Variants in VOPP1 observed in about 807,000 individuals in gnomAD.
VOPP1 encodes WW domain binding protein VOPP1.
In VOPP1, 8 loss-of-function variants were observed where a neutral mutation model predicts 23.5. That is an observed-to-expected ratio of 0.34 (90% confidence interval 0.20 to 0.61). VOPP1 has a LOEUF of 0.61. VOPP1 is among the 20% of genes least tolerant of loss of function. The pLI, the probability that VOPP1 is intolerant of heterozygous loss-of-function variation, is 0.78. For missense variants in VOPP1, 174 were observed against 238.1 expected, an observed-to-expected ratio of 0.73 and a Z score of 1.77; for synonymous variants, 83 against 97.3, an observed-to-expected ratio of 0.85 and a Z score of 0.86.
chr7:55,516,264 T>A (rs76345048), intron 2 of VOPP1, among the ~76,000 whole-genome samples: 70 of 152,342 alleles, frequency 4.6e-4, no homozygotes, highest in African/African-American at 1.6e-3. Flanking sequence ...GGAACAGGAA[T>A]GTGTTGCTTT....
intron 4 of VOPP1, among the ~76,000 whole-genome samples, chr7:55,458,644 A>G (rs1190819078): frequency 6.6e-6 from 1 of 152,002 alleles, no homozygotes; most frequent in Admixed American, 6.6e-5. Context: ...GAGGTATTTT[A>G]TCTTTTAATT....
chr7:55,449,534 G>A (rs1791189289), intron 4 of VOPP1, among the ~76,000 whole-genome samples: 1 of 152,238 alleles, frequency 6.6e-6, no homozygotes, highest in Admixed American at 6.5e-5. Context: ...GCCAGCGGGC[G>A]CAGGACAGAT....
intron 1 of VOPP1, among the ~76,000 whole-genome samples, chr7:55,535,118 C>G (rs1427432151): frequency 6.6e-6 from 1 of 152,208 alleles, no homozygotes; most frequent in African/African-American, 2.4e-5. Context: ...ACTGCACCTG[C>G]CCCTAAACCT....
In VOPP1 at chr7:55,443,687, C is replaced by T. The variant is rs147122749; in HGVS notation, n.418-7513G>A. 4.1e-3 allele frequency among the ~76,000 whole-genome samples: 618 copies of T among 149,978 alleles called. 3 individuals carry two copies. The highest frequency in any genetic ancestry group is 0.01 in the Middle Eastern group (3 of 290). ...GAGACGGAGTTTTGCTCTTATCACC[C>T]AGGCTGGAGTGCAATGACACAATCT... On this transcript the variant is annotated intron_variant and non_coding_transcript_variant, in intron 4 of 4. Transcript: ENST00000462326.
intron 2 of VOPP1, among the ~76,000 whole-genome samples, chr7:55,502,711 C>T (rs79313165): frequency 6.6e-6 from 1 of 152,216 alleles, no homozygotes; most frequent in African/African-American, 2.4e-5. Context: ...CATTACCAGG[C>T]AGTCGAGCAC....
In VOPP1 at chr7:55,513,351, A is replaced by G. The variant is rs538984865; in HGVS notation, c.113+7721T>C. Among the ~76,000 whole-genome samples the G allele has an allele frequency of 8.5e-5, 13 of 152,276 alleles. No individual in the cohort carries two copies. The East Asian group carries it at 1.2e-3, about 14-fold the overall frequency. ...TCCTTAATTCTGTTTCATGGATCCT[A>G]TCTTCCCCTTATCCAGCGGTTTGAC... is the stretch of plus-strand genomic sequence containing the variant. On this transcript the variant is annotated intron_variant, in intron 2 of 4. Coordinates refer to ENST00000285279, the MANE Select transcript of VOPP1 (RefSeq NM_030796.5).
intron 4 of VOPP1, among the ~76,000 whole-genome samples, chr7:55,437,926 A>G (rs1370322196): frequency 7.3e-6 from 1 of 137,860 alleles, no homozygotes; most frequent in African/African-American, 2.7e-5. Flanking sequence ...CGGAGTTTCT[A>G]TCTTGTCGCC....
intron 1 of VOPP1, among the ~76,000 whole-genome samples, chr7:55,556,707 A>T (rs1797820782): frequency 6.7e-6 from 1 of 149,776 alleles, no homozygotes; most frequent in Non-Finnish European, 1.5e-5. Context: ...GTTACAATTT[A>T]TGTTTCTCAG....
At position 55,471,508 on chromosome 7, in the gene VOPP1, C is replaced by T. The variant is rs1327479807; in HGVS notation, c.*1347G>A. 2 of 152,046 alleles carry T rather than the reference C, an allele frequency of 1.3e-5. No individual in the cohort carries two copies. The highest frequency in any genetic ancestry group is 1.9e-4 in the East Asian group (1 of 5,166). The allele number at this position is 152,046 out of a possible 1,614,324, so 9.4% of individuals were successfully genotyped here. Reference sequence around the variant, plus strand: ...AAATAAGCACCCCCACCTCATTCCCCGTGATACAGCACATCTAGTAATCTA... The same window carrying T: ...AAATAAGCACCCCCACCTCATTCCCTGTGATACAGCACATCTAGTAATCTA... On this transcript the variant is annotated 3_prime_UTR_variant, in exon 5 of 5. Transcript: ENST00000285279.
intron 4 of VOPP1, among the ~76,000 whole-genome samples, chr7:55,489,393 C>T (rs115364272): frequency 0.016 from 2,435 of 152,318 alleles, 71 homozygotes; most frequent in African/African-American, 0.054. Context: ...TGGGGGCTTA[C>T]TTATTCTTAA....
chr7:55,502,485 C>G (rs952071597), intron 2 of VOPP1, among the ~76,000 whole-genome samples: 1 of 152,228 alleles, frequency 6.6e-6, no homozygotes, highest in East Asian at 1.9e-4. Context: ...GGCGCTGGCC[C>G]GGCTCCCATT....
At chr7:55,561,119 C>T (rs1390733334) in intron 1 of VOPP1, among the ~76,000 whole-genome samples, 1 of 152,118 alleles carries the variant, frequency 6.6e-6, no homozygotes, top group Non-Finnish European at 1.5e-5. Flanking sequence ...GGACCCTCAC[C>T]ACAACCGCTG....
chr7:55,495,216 T>G (rs1217538325), intron 3 of VOPP1, among the ~76,000 whole-genome samples: 1 of 152,120 alleles, frequency 6.6e-6, no homozygotes, highest in Non-Finnish European at 1.5e-5. Flanking sequence ...CCACTGTGCT[T>G]TCTGAGTCCA....
At chr7:55,515,916 G>T in intron 2 of VOPP1, 1 of 953,266 alleles carries the variant, frequency 1.0e-6, no homozygotes, top group Non-Finnish European at 1.2e-6. Flanking sequence ...TGCAGGACAT[G>T]CTCCTCGGTC....
chr7:55,550,687 C>T (rs553095294), intron 1 of VOPP1, among the ~76,000 whole-genome samples: 1 of 152,138 alleles, frequency 6.6e-6, no homozygotes, highest in South Asian at 2.1e-4. Flanking sequence ...ATTATACAGC[C>T]GCTAACAGGC....
At chr7:55,563,605 A>ACTTCTTTTC (rs1798058351) in intron 1 of VOPP1, among the ~76,000 whole-genome samples, 1 of 152,230 alleles carries the variant, frequency 6.6e-6, no homozygotes, top group Non-Finnish European at 1.5e-5. Flanking sequence ...ACCCAAGTCT[A>ACTTCTTTTC]AAGATGAAAT....
At chr7:55,455,821 T>C (rs1441483039) in intron 4 of VOPP1, among the ~76,000 whole-genome samples, 1 of 152,174 alleles carries the variant, frequency 6.6e-6, no homozygotes, top group Non-Finnish European at 1.5e-5. Context: ...ATTAAATACT[T>C]AAACGTAAGA....
chr7:55,450,647 G>T (rs958367574), intron 4 of VOPP1, among the ~76,000 whole-genome samples: 1 of 152,184 alleles, frequency 6.6e-6, no homozygotes, highest in African/African-American at 2.4e-5. Context: ...GCAATGCACT[G>T]GTTCACATCA....
chr7:55,490,066 C>G (rs533079892), intron 4 of VOPP1, among the ~76,000 whole-genome samples: 5 of 152,180 alleles, frequency 3.3e-5, no homozygotes, highest in Admixed American at 3.3e-4. Context: ...GGGGATGGGT[C>G]TGAGGAAGCT....
Sources: allele counts gnomAD v4.1 joint callset (sites outside exome capture counted in the v4.1 genomes callset), GRCh38; gene constraint gnomAD v4.1.1; transcripts MANE v1.5; gene names NCBI Gene and HGNC (gene_info 2026-07-23, HGNC 2026-07-21).